Variants in FBXO45 observed in about 807,000 individuals in gnomAD.
The protein encoded by FBXO45 is F-box/SPRY domain-containing protein 1.
Under a neutral mutation model 25.5 loss-of-function variants are expected in FBXO45, and 3 were observed. That is an observed-to-expected ratio of 0.12 (90% CI 0.05 to 0.30). The LOEUF (loss-of-function observed/expected upper bound fraction) is 0.30, where lower values mean the gene tolerates loss of function less well. Ranked by LOEUF, FBXO45 falls within the 10% of genes least tolerant of loss-of-function variation. The pLI is 1.00. For missense variants in FBXO45, 219 were observed against 365.0 expected (o/e 0.60, Z 3.26); for synonymous variants, 155 against 149.8 (o/e 1.03, Z -0.25).
intron 2 of FBXO45, among the ~76,000 whole-genome samples, chr3:196,580,916 G>A (rs894443870): frequency 6.6e-6 from 1 of 152,068 alleles, no homozygotes; most frequent in Admixed American, 6.6e-5. Context: ...CTCCAGAGTA[G>A]CTGGGACTAC....
At chr3:196,580,803 G>T (rs1175259490) in intron 2 of FBXO45, among the ~76,000 whole-genome samples, 1 of 148,076 alleles carries the variant, frequency 6.8e-6, no homozygotes. Flanking sequence ...ATAGGGTCTC[G>T]CTCTGACACC....
chr3:196,576,064 A>G (rs2108727091), intron 1 of FBXO45, among the ~76,000 whole-genome samples: 1 of 152,314 alleles, frequency 6.6e-6, no homozygotes, highest in East Asian at 1.9e-4. Context: ...GGAATGCCTC[A>G]GTTTTATTGT....
At chr3:196,574,390 T>C (rs1341089790) in intron 1 of FBXO45, among the ~76,000 whole-genome samples, 4 of 152,218 alleles carry the variant, frequency 2.6e-5, no homozygotes, top group Non-Finnish European at 5.9e-5. Flanking sequence ...TCATAAATGT[T>C]AAATGTTGCA....
At position 196,569,318 on chromosome 3, in the gene FBXO45, G is replaced by T; in HGVS notation, c.318+16G>T. On this transcript the variant is annotated intron_variant, in intron 1 of 2. Transcript: ENST00000311630. The surrounding 1 kb of genome is among the most constrained non-coding windows in gnomAD (Gnocchi z 4.1). ...CAAGGCCAAGGTGAGAGAGCCCCGG[G>T]CCACACCGCTGCCCCCAGTCCCGCT... The T allele has an allele frequency of 6.6e-7, 1 of 1,505,670 alleles. No individual in the cohort carries two copies. Among genetic ancestry groups the T allele is most frequent in the Non-Finnish European group, 9.0e-7 (1 of 1,114,318 alleles). 93.3% of individuals were successfully genotyped at this position (1,505,670 alleles called of 1,614,324 possible). A position where few individuals can be genotyped will look rare whatever the true frequency, so the allele number is the denominator to read the frequency against.
Position 196,584,845 on chromosome 3 carries a change from T to C in FBXO45, c.*527T>C, listed in dbSNP as rs1349130864. 1.3e-5 allele frequency: 2 copies of C among 151,590 alleles called. No individual in the cohort carries two copies. The highest frequency in any genetic ancestry group is 2.9e-5 in the Non-Finnish European group (2 of 67,992). 9.4% of individuals were successfully genotyped at this position (151,590 alleles called of 1,614,324 possible). On this transcript the variant is annotated 3_prime_UTR_variant, in exon 3 of 3. Transcript: ENST00000311630. This position sits in a 1 kb window ranked among gnomAD's most constrained non-coding sequence, Gnocchi z 4.3. Reference sequence around the variant, plus strand: ...AAAGTGAGATATAAAATTGTGCAGCTATTTTAAAAGTTGTATATAATATGT... The same window carrying C: ...AAAGTGAGATATAAAATTGTGCAGCCATTTTAAAAGTTGTATATAATATGT...
chr3:196,583,252 A>T (rs6764637), intron 2 of FBXO45, among the ~76,000 whole-genome samples: 28,868 of 152,152 alleles, frequency 0.19, 3,686 homozygotes, highest in East Asian at 0.61. Flanking sequence ...TCATGCCTGT[A>T]ATCCCAGCAC....
rs780132570 is a variant in FBXO45, at chr3:196,569,105, A to T, written c.121A>T (p.Ser41Cys). The T allele has an allele frequency of 6.9e-4, 1,042 of 1,505,240 alleles. No individual in the cohort carries two copies. The highest frequency in any genetic ancestry group is 8.7e-4 in the Non-Finnish European group (978 of 1,119,764). The allele number at this position is 1,505,240 out of a possible 1,614,324, so 93.2% of individuals were successfully genotyped here. A position where few individuals can be genotyped will look rare whatever the true frequency, so the allele number is the denominator to read the frequency against. ...GAAGAGGRLP[S>C]RVLELVFSYL... The stretch of plus-strand genomic sequence containing the variant: ...CGCGGGGGCCGGGGGCCGGCTGCCC[A>T]GCCGGGTGCTGGAGTTGGTGTTCTC... Residue 41 changes from serine (S) to cysteine (C), a missense_variant, in exon 1 of 3, where the codon AGC becomes TGC. Coordinates refer to ENST00000311630, the MANE Select transcript of FBXO45 (RefSeq NM_001105573.2). The surrounding 1 kb of genome is among the most constrained non-coding windows in gnomAD (Gnocchi z 4.1).
At chr3:196,574,407 A>T (rs982202002) in intron 1 of FBXO45, among the ~76,000 whole-genome samples, 2 of 152,210 alleles carry the variant, frequency 1.3e-5, no homozygotes, top group African/African-American at 4.8e-5. Context: ...TGCATTTTAA[A>T]GTTATATTTT....
At chr3:196,570,712 C>CTTTTTTTTTT (rs71161937) in intron 1 of FBXO45, among the ~76,000 whole-genome samples, 4 of 99,850 alleles carry the variant, frequency 4.0e-5, no homozygotes, top group Admixed American at 2.5e-4. Context: ...TTTCTTTTTT[C>CTTTTTTTTTT]TTTTTTTTTT....
intron 2 of FBXO45, among the ~76,000 whole-genome samples, chr3:196,581,352 T>A (rs1229015365): frequency 7.0e-6 from 1 of 143,670 alleles, no homozygotes; most frequent in Admixed American, 7.3e-5. Flanking sequence ...TGCCTCAGCC[T>A]CCTGAGTAGC....
rs1031269086 is a variant in FBXO45, at chr3:196,583,506, A to G, written c.676-627A>G. On this transcript the variant is annotated intron_variant, in intron 2 of 2. Transcript: ENST00000311630. Reference sequence around the variant, plus strand: ...GGGCGACAGAGCAAGACTCCGTCTCAAAAAAAAAAAAAAAAAAAGTTCCGT... The same window carrying G: ...GGGCGACAGAGCAAGACTCCGTCTCGAAAAAAAAAAAAAAAAAAGTTCCGT... Among the ~76,000 whole-genome samples, 11 of 119,802 alleles carry G rather than the reference A, an allele frequency of 9.2e-5. No homozygotes were observed. In the South Asian group the frequency reaches 2.1e-3, roughly 23 times the overall value. 78.6% of individuals were successfully genotyped at this position (119,802 alleles called of 152,430 possible).
chr3:196,580,511 G>C (rs556585695), intron 2 of FBXO45, among the ~76,000 whole-genome samples: 1 of 152,186 alleles, frequency 6.6e-6, no homozygotes, highest in East Asian at 1.9e-4. Flanking sequence ...TGCCTGGCGA[G>C]ACGGGGTTTC....
At position 196,584,082 on chromosome 3, in the gene FBXO45, T is replaced by C; in HGVS notation, c.676-51T>C. ...TTCTTGATTTGTGTCTTGTTTCTTC[T>C]AGCTACACCCTTGGCAGATTTTCTT... On this transcript the variant is annotated intron_variant, in intron 2 of 2. Coordinates refer to ENST00000311630, the MANE Select transcript of FBXO45 (RefSeq NM_001105573.2). The surrounding 1 kb of genome is among the most constrained non-coding windows in gnomAD (Gnocchi z 4.3). 1.3e-6 allele frequency: 2 copies of C among 1,536,362 alleles called. No individual in the cohort carries two copies. Among genetic ancestry groups the C allele is most frequent in the Non-Finnish European group, 1.8e-6 (2 of 1,128,204 alleles).
Position 196,581,223 on chromosome 3 carries a change from C to CTTTTTTT in FBXO45, c.676-2888_676-2882dup, listed in dbSNP as rs33962634. On this transcript the variant is annotated intron_variant, in intron 2 of 2. Coordinates refer to ENST00000311630, the MANE Select transcript of FBXO45 (RefSeq NM_001105573.2). ...TAGAATTTCCTTTTTTTTCTTTTTCCTTTTTTTTTTTTTTTTTTTTTTTTT... is the reference window on the plus strand; with the variant it reads ...TAGAATTTCCTTTTTTTTCTTTTTCCTTTTTTTTTTTTTTTTTTTTTTTTTTTTTTTT... 7.7e-3 allele frequency among the ~76,000 whole-genome samples: 492 copies of CTTTTTTT among 63,688 alleles called. 87 individuals carry two copies. The highest frequency in any genetic ancestry group is 0.024 in the East Asian group (44 of 1,842). 41.8% of individuals were successfully genotyped at this position (63,688 alleles called of 152,430 possible). A position where few individuals can be genotyped will look rare whatever the true frequency, so the allele number is the denominator to read the frequency against.
At chr3:196,571,898 T>C (rs1735831675) in intron 1 of FBXO45, among the ~76,000 whole-genome samples, 1 of 152,086 alleles carries the variant, frequency 6.6e-6, no homozygotes, top group South Asian at 2.1e-4. Flanking sequence ...TCAAAAGGAG[T>C]CAAATAGTCT....
chr3:196,581,387 T>C (rs1736010629), intron 2 of FBXO45, among the ~76,000 whole-genome samples: 3 of 151,572 alleles, frequency 2.0e-5, no homozygotes, highest in African/African-American at 2.4e-5. Flanking sequence ...TGTGCCACCA[T>C]GCCCAGCTAA....
At chr3:196,577,913 ATTTTTATTTTTATTATT>A (rs1735941294) in intron 2 of FBXO45, 104 bp downstream of exon 2, 1 of 630,758 alleles carries the variant, frequency 1.6e-6, no homozygotes, top group South Asian at 6.2e-5. Flanking sequence ...CTTTTTGGTA[ATTTTTATTTTTATTATT>A]TTTTTATTTT....
At position 196,577,572 on chromosome 3, in the gene FBXO45, C is replaced by T. The variant is rs1481317709; in HGVS notation, c.438C>T (p.Thr146=). The T allele has an allele frequency of 1.9e-6, 3 of 1,613,826 alleles. No individual in the cohort carries two copies. The highest frequency in any genetic ancestry group is 1.7e-6 in the Non-Finnish European group (2 of 1,179,882). The change falls in exon 2 of 3, where the codon ACC becomes ACT. Residue 146 remains threonine, a synonymous_variant. Coordinates refer to ENST00000311630, the MANE Select transcript of FBXO45 (RefSeq NM_001105573.2). ...CTCAGAGCACTGATGGTGCAAGGAC[C>T]AAGATTGGTTTCAGTGAGGGCCGCC... ...PIAQSTDGAR[T]KIGFSEGRHA...
At chr3:196,573,017 G>C (rs1280473356) in intron 1 of FBXO45, among the ~76,000 whole-genome samples, 2 of 152,084 alleles carry the variant, frequency 1.3e-5, no homozygotes, top group African/African-American at 4.8e-5. Context: ...GAACTCCTGG[G>C]CTCAAGCGAT....
Sources: allele counts gnomAD v4.1 joint callset (sites outside exome capture counted in the v4.1 genomes callset), GRCh38; gene constraint gnomAD v4.1.1; non-coding constraint Gnocchi (gnomAD v3.1); transcripts MANE v1.5; gene names NCBI Gene and HGNC (gene_info 2026-07-23, HGNC 2026-07-21).